TFAP2D: variants seen among roughly 807,000 people sequenced by gnomAD.
The protein encoded by TFAP2D is transcription factor AP-2 delta.
Under a neutral mutation model 43.6 loss-of-function variants are expected in TFAP2D, and 9 were observed. The ratio of observed to expected loss-of-function variants is 0.21; its 90% CI spans 0.12 to 0.36. The LOEUF (loss-of-function observed/expected upper bound fraction) is 0.36, where lower values mean the gene tolerates loss of function less well. TFAP2D is among the 10% of genes least tolerant of loss of function. The pLI, the probability that TFAP2D is intolerant of heterozygous loss-of-function variation, is 1.00. For missense variants in TFAP2D, 513 were observed against 561.4 expected (o/e 0.91, Z 0.87); for synonymous variants, 256 against 224.9 (o/e 1.14, Z -1.24).
chr6:50,767,150 G>T (rs567516403), intron 7 of TFAP2D, among the ~76,000 whole-genome samples: 1 of 152,122 alleles, frequency 6.6e-6, no homozygotes, highest in Non-Finnish European at 1.5e-5. Flanking sequence ...TTTCCTTTCT[G>T]ATTTGGATGC....
chr6:50,715,207 C>A lies in TFAP2D; in HGVS notation c.131C>A (p.Ser44Tyr). Residue 44 changes from serine to tyrosine, a missense_variant, in exon 2 of 8, where the codon TCT (serine) becomes TAT (tyrosine). Around this residue, in one of 3 missense-constraint regions of TFAP2D, gnomAD observed 311 missense variants for 316.2 expected, o/e 0.98. Transcript: ENST00000008391. ...TCCACTGTCGCCTATTCCTCCTCCT[C>A]TCCTTTAACTTACTCCACCACCGGC... Reference protein sequence around the residue: ...ANSTVAYSSSSPLTYSTTGTE... With the variant: ...ANSTVAYSSSYPLTYSTTGTE... 1 of 1,614,044 alleles carries A rather than the reference C, an allele frequency of 6.2e-7. No homozygotes were observed. The highest frequency in any genetic ancestry group is 8.5e-7 in the Non-Finnish European group (1 of 1,180,018).
intron 5 of TFAP2D, among the ~76,000 whole-genome samples, chr6:50,735,210 G>T (rs1748250369): frequency 6.6e-6 from 1 of 152,040 alleles, no homozygotes; most frequent in African/African-American, 2.4e-5. Context: ...TTATACAATT[G>T]GGTGCAGCAA....
chr6:50,739,391 G>A (rs1274751163), intron 5 of TFAP2D, among the ~76,000 whole-genome samples: 2 of 152,112 alleles, frequency 1.3e-5, no homozygotes, highest in Middle Eastern at 3.2e-3. Flanking sequence ...TCCCTACAAA[G>A]GACATGAACT....
intron 6 of TFAP2D, among the ~76,000 whole-genome samples, chr6:50,745,941 G>A (rs1047269354): frequency 2.0e-5 from 3 of 152,106 alleles, no homozygotes; most frequent in African/African-American, 7.2e-5. Flanking sequence ...TAAATTCCTT[G>A]ACACTTGAAA....
chr6:50,714,710 T>C (rs1768585204), intron 1 of TFAP2D, among the ~76,000 whole-genome samples: 1 of 152,126 alleles, frequency 6.6e-6, no homozygotes, highest in South Asian at 2.1e-4. Context: ...AGCGCTCTTT[T>C]CGGGTGGACT....
intron 7 of TFAP2D, among the ~76,000 whole-genome samples, chr6:50,753,734 G>T (rs1769228494): frequency 6.6e-6 from 1 of 151,712 alleles, no homozygotes; most frequent in South Asian, 2.1e-4. Flanking sequence ...ACTTACAATA[G>T]TATCATCTAT....
intron 5 of TFAP2D, among the ~76,000 whole-genome samples, chr6:50,744,021 A>G (rs761873083): frequency 6.6e-6 from 1 of 152,170 alleles, no homozygotes; most frequent in Non-Finnish European, 1.5e-5. Context: ...GATGCTTAGT[A>G]TTAACAGATA....
chr6:50,756,111 C>A (rs1273909063), intron 7 of TFAP2D, among the ~76,000 whole-genome samples: 1 of 151,996 alleles, frequency 6.6e-6, no homozygotes, highest in Non-Finnish European at 1.5e-5. Context: ...AGTCTGCCCA[C>A]CTTGGCCTCC....
intron 5 of TFAP2D, among the ~76,000 whole-genome samples, chr6:50,744,218 G>T (rs574356201): frequency 6.6e-6 from 1 of 152,134 alleles, no homozygotes; most frequent in African/African-American, 2.4e-5. Flanking sequence ...CCTCAAGTAG[G>T]TCCCAGTGTC....
In TFAP2D at chr6:50,773,024, G is replaced by C; in HGVS notation, c.*160G>C. 37 of 566,648 alleles carry C rather than the reference G, an allele frequency of 6.5e-5. No individual in the cohort carries two copies. Among genetic ancestry groups the C allele is most frequent in the Non-Finnish European group, 6.1e-5 (22 of 357,756 alleles). 35.1% of individuals were successfully genotyped at this position (566,648 alleles called of 1,614,324 possible). ...GGAAATGAAAAATGAAACAAAAAAG[G>C]ACAAAACCAAAAAAAAAAGAAAAAA... On this transcript the variant is annotated 3_prime_UTR_variant, in exon 8 of 8. Transcript: ENST00000008391.
intron 7 of TFAP2D, among the ~76,000 whole-genome samples, chr6:50,766,528 A>G (rs1769443912): frequency 6.6e-6 from 1 of 151,488 alleles, no homozygotes; most frequent in African/African-American, 2.4e-5. Context: ...GCCTTCTTTA[A>G]TTTCTTTCAT....
chr6:50,729,466 A>G (rs1768853272), intron 5 of TFAP2D, among the ~76,000 whole-genome samples, 154 bp downstream of exon 5: 1 of 152,228 alleles, frequency 6.6e-6, no homozygotes, highest in South Asian at 2.1e-4. Flanking sequence ...GACAATGATG[A>G]TTAAATTAGA....
At chr6:50,716,640 CA>C (rs1440796970) in intron 2 of TFAP2D, among the ~76,000 whole-genome samples, 2 of 152,172 alleles carry the variant, frequency 1.3e-5, no homozygotes, top group Non-Finnish European at 2.9e-5. Flanking sequence ...AGGCATATTT[CA>C]AACAAATGAG....
intron 5 of TFAP2D, among the ~76,000 whole-genome samples, chr6:50,730,512 G>GA (rs113169463): frequency 1.0e-4 from 15 of 150,568 alleles, no homozygotes; most frequent in South Asian, 4.2e-4. Context: ...GAGCAAAGTA[G>GA]AAAAAAAAAT....
At chr6:50,722,379 A>T (rs1768740882) in intron 3 of TFAP2D, among the ~76,000 whole-genome samples, 1 of 152,218 alleles carries the variant, frequency 6.6e-6, no homozygotes, top group South Asian at 2.1e-4. Context: ...TGTTGTACGT[A>T]CAGAGTGGAG....
chr6:50,725,613 C>T (rs1027319910), intron 3 of TFAP2D, among the ~76,000 whole-genome samples: 47 of 152,180 alleles, frequency 3.1e-4, no homozygotes, highest in African/African-American at 1.1e-3. Context: ...CAAGTAGTAA[C>T]ACTGGGGATG....
chr6:50,733,841 A>G (rs529981897), intron 5 of TFAP2D, among the ~76,000 whole-genome samples: 1 of 152,186 alleles, frequency 6.6e-6, no homozygotes, highest in African/African-American at 2.4e-5. Context: ...GTTTTGCTGC[A>G]TTTGCAAAAG....
At position 50,716,447 on chromosome 6, in the gene TFAP2D, G is replaced by A. The variant is rs1581756321; in HGVS notation, c.537+834G>A. ...AAGAGGGAAAAAATAAAGAAGGAAG[G>A]AAGGAAGGAGAAAAGGAAGGAAGGA... On this transcript the variant is annotated intron_variant, in intron 2 of 7. Coordinates refer to ENST00000008391, the MANE Select transcript of TFAP2D (RefSeq NM_172238.4). Among the ~76,000 whole-genome samples the A allele has an allele frequency of 3.5e-5, 5 of 142,660 alleles. No individual in the cohort carries two copies. The South Asian group carries it at 1.1e-3, about 33-fold the overall frequency. 93.6% of individuals were successfully genotyped at this position (142,660 alleles called of 152,430 possible).
chr6:50,713,941 T>C lies in TFAP2D; in HGVS notation c.-115T>C, dbSNP rs1768569690. 7 of 1,465,632 alleles carry C rather than the reference T, an allele frequency of 4.8e-6. No individual in the cohort carries two copies. The highest frequency in any genetic ancestry group is 6.6e-6 in the Non-Finnish European group (7 of 1,057,964). 90.8% of individuals were successfully genotyped at this position (1,465,632 alleles called of 1,614,324 possible). A position where few individuals can be genotyped will look rare whatever the true frequency, so the allele number is the denominator to read the frequency against. On this transcript the variant is annotated 5_prime_UTR_variant, in exon 1 of 8. Transcript: ENST00000008391. ...CCATTACAATTTAGATATCTACCTA[T>C]AGAACATTTTTTTTTTCCTTTAAAA...
Sources: gnomAD v4.1 joint callset for allele counts (sites outside exome capture counted in the v4.1 genomes callset) on GRCh38, gnomAD v4.1.1 for gene constraint, gnomAD v4.1.1 regional missense constraint, MANE v1.5 for transcripts, NCBI Gene and HGNC (gene_info 2026-07-23, HGNC 2026-07-21) for gene names.